The following ARRDC2 variants were observed in gnomAD, a reference collection of about 807,000 sequenced individuals.
ARRDC2 encodes the protein arrestin domain containing 2, also known as arrestin domain-containing protein 2.
Under a neutral mutation model 38.9 loss-of-function variants are expected in ARRDC2, and 39 were observed. The observed-to-expected ratio is 1.00, with a 90% CI of 0.78 to 1.31. The LOEUF is 1.31. Among genes scored for constraint, ARRDC2 ranks in the 50% most tolerant of loss-of-function variants. The pLI is 0.00. For missense variants in ARRDC2, 553 were observed against 588.4 expected, an observed-to-expected ratio of 0.94 and a Z score of 0.62; for synonymous variants, 300 against 261.9, an observed-to-expected ratio of 1.15 and a Z score of -1.41.
Position 18,008,444 on chromosome 19 carries a change from G to A in ARRDC2, c.134G>A (p.Gly45Asp), listed in dbSNP as rs749542607. Residue 45 changes from glycine (G) to aspartate (D), a missense_variant, in exon 1 of 8, where the codon GGT (glycine) becomes GAT (aspartate). Transcript: ENST00000222250. ...GAGCTGTCAAGCGCCGCGCGTGTGG[G>A]TGCCCTGAGGCTGCGCGCGCGGGGC... ...LLELSSAARVGALRLRARGRA... is the reference protein window; with the variant it reads ...LLELSSAARVDALRLRARGRA... 24 of 1,573,814 alleles carry A rather than the reference G, an allele frequency of 1.5e-5. No homozygotes were observed. Among genetic ancestry groups the A allele is most frequent in the Admixed American group, 3.6e-5 (2 of 55,676 alleles).
chr19:18,002,933 T>A (rs904913212), intron 1 of ARRDC2, among the ~76,000 whole-genome samples: 5 of 151,898 alleles, frequency 3.3e-5, no homozygotes, highest in African/African-American at 1.2e-4. Context: ...TGAAACTTTG[T>A]CTCCACTAAA....
At chr19:18,001,371 C>G (rs2145993170) in exon 1 of ARRDC2, 1 of 1,202,500 alleles carries the variant, frequency 8.3e-7, no homozygotes, top group Non-Finnish European at 1.0e-6. Context: ...GCCCGGGCGG[C>G]GCCTACCGCG....
rs140896221 is a variant in ARRDC2, at chr19:18,009,595, C to T, written c.493C>T (p.Pro165Ser). 9.6e-4 allele frequency: 1,540 copies of T among 1,600,102 alleles called. 4 individuals are homozygous for T. In the African/African-American group the frequency reaches 0.014, roughly 14 times the overall value. ...VDINTPALLA[P>S]QAGAREKVAR... ...TCACTTTCCTCTACACCGACAGGCA[C>T]CTCAAGCGGGGGCTCGGGAAAAGGT... is the stretch of plus-strand genomic sequence containing the variant. Residue 165 changes from proline to serine, a missense_variant, in exon 4 of 8, where the codon CCT becomes TCT. Pro to Ser is a moderately conservative substitution (Grantham distance 74). Transcript: ENST00000222250.
upstream of ARRDC2, chr19:18,008,035 T>G: frequency 3.3e-6 from 3 of 905,878 alleles, no homozygotes; most frequent in East Asian, 3.7e-5. Context: ...GCGTTTGTTA[T>G]TTTGCTCCAC....
chr19:18,002,399 G>A (rs1568464674), intron 1 of ARRDC2, among the ~76,000 whole-genome samples: 1 of 152,156 alleles, frequency 6.6e-6, no homozygotes, highest in African/African-American at 2.4e-5. Flanking sequence ...CCTAGGCCAC[G>A]CAGCTGGTCA....
At chr19:18,009,409 C>T (rs1258640460) in intron 3 of ARRDC2, 183 bp from the exon 4 acceptor site, 5 of 645,268 alleles carry the variant, frequency 7.7e-6, no homozygotes, top group Non-Finnish European at 1.1e-5. Flanking sequence ...TTATACATTT[C>T]ATTTCTGGCT....
At position 18,009,185 on chromosome 19, in the gene ARRDC2, C is replaced by T. The variant is rs368697056; in HGVS notation, c.489+67C>T. The T allele has an allele frequency of 3.2e-4, 505 of 1,556,336 alleles. 1 individual carries two copies. The highest frequency in any genetic ancestry group is 5.2e-4 in the Middle Eastern group (3 of 5,824). ...GGAAGGGGCCTGCCTGGCTGCTGGG[C>T]GACACCAACCAATAAGATGGAGGTC... is the stretch of plus-strand genomic sequence containing the variant. On this transcript the variant is annotated intron_variant, in intron 3 of 7. Transcript: ENST00000222250.
chr19:18,009,771 T>G lies in ARRDC2; in HGVS notation c.593-12T>G. 5.0e-6 allele frequency: 8 copies of G among 1,613,082 alleles called. No individual in the cohort carries two copies. The highest frequency in any genetic ancestry group is 5.9e-6 in the Non-Finnish European group (7 of 1,179,820). On this transcript the variant is annotated splice_polypyrimidine_tract_variant and intron_variant, in intron 4 of 7. Coordinates refer to ENST00000222250, the MANE Select transcript of ARRDC2 (RefSeq NM_015683.2). The stretch of plus-strand genomic sequence containing the variant: ...GGAGGGGAAACTGAGGCCCCACTGC[T>G]CCTTGCTGCAGGAGAGGTCATCCCT...
chr19:18,011,934 GTATA>G (rs780182812), intron 7 of ARRDC2, among the ~76,000 whole-genome samples: 3,429 of 68,334 alleles, frequency 0.05, 110 homozygotes, highest in Non-Finnish European at 0.059. Flanking sequence ...GTGTATATGT[GTATA>G]TATATATATA....
At chr19:18,011,265 G>A (rs2033406458) in intron 7 of ARRDC2, among the ~76,000 whole-genome samples, 1 of 152,064 alleles carries the variant, frequency 6.6e-6, no homozygotes, top group African/African-American at 2.4e-5. Context: ...CCAAAGTGCT[G>A]GGATTATATG....
Position 18,013,081 on chromosome 19 carries a change from C to G in ARRDC2, c.*115C>G. 8.6e-7 allele frequency: 1 copy of G among 1,162,144 alleles called. No homozygotes were observed. Among genetic ancestry groups the G allele is most frequent in the Non-Finnish European group, 1.2e-6 (1 of 809,324 alleles). The allele number at this position is 1,162,144 out of a possible 1,614,324, so 72.0% of individuals were successfully genotyped here. A position where few individuals can be genotyped will look rare whatever the true frequency, so the allele number is the denominator to read the frequency against. The stretch of plus-strand genomic sequence containing the variant: ...CCCGACTGCATCAAAGTTGGGGAAC[C>G]AAGTCTCAGAGTGAGGCGGGGGCCT... On this transcript the variant is annotated 3_prime_UTR_variant, in exon 8 of 8. Transcript: ENST00000222250.
chr19:18,010,075 A>G (rs946295230), intron 5 of ARRDC2, 36 bp downstream of exon 5: 7 of 1,604,546 alleles, frequency 4.4e-6, no homozygotes, highest in Non-Finnish European at 5.1e-6. Flanking sequence ...GACAGTGCCT[A>G]CATTCACCCT....
intron 6 of ARRDC2, 99 bp downstream of exon 6, chr19:18,010,457 C>A: frequency 6.4e-7 from 1 of 1,557,774 alleles, no homozygotes; most frequent in Non-Finnish European, 8.7e-7. Context: ...GAATCCCAAC[C>A]AAAGGACATA....
upstream of ARRDC2, among the ~76,000 whole-genome samples, chr19:18,006,597 A>G (rs551184881): frequency 3.3e-5 from 5 of 151,570 alleles, no homozygotes; most frequent in Non-Finnish European, 7.4e-5. Context: ...TCGGCATGAG[A>G]GGGAGACCGT....
chr19:18,012,037 A>G (rs1488367088), intron 7 of ARRDC2, among the ~76,000 whole-genome samples: 2 of 143,756 alleles, frequency 1.4e-5, no homozygotes, highest in Non-Finnish European at 3.0e-5. Context: ...GCTCACTGCA[A>G]TCTCCACCTC....
In ARRDC2 at chr19:18,009,838, G is replaced by A; in HGVS notation, c.648G>A (p.Leu216=). ...ACAACGGCTCCACACGTCCTGTGCT[G>A]CCTCGGGCAGCCGTGGTGCAGACAC... ...EIDNGSTRPV[L]PRAAVVQTQT... Residue 216 remains leucine (L), a synonymous_variant, in exon 5 of 8, where the codon CTG becomes CTA. Coordinates refer to ENST00000222250, the MANE Select transcript of ARRDC2 (RefSeq NM_015683.2). The A allele has an allele frequency of 6.2e-7, 1 of 1,612,306 alleles. No individual in the cohort carries two copies. The highest frequency in any genetic ancestry group is 8.5e-7 in the Non-Finnish European group (1 of 1,179,850).
intron 3 of ARRDC2, chr19:18,009,386 C>G (rs1568467479): frequency 1.6e-6 from 1 of 631,692 alleles, no homozygotes; most frequent in East Asian, 2.8e-5. Context: ...GAATTACACA[C>G]CAAACACTTG....
In ARRDC2 at chr19:18,012,952, T is replaced by A. The variant is rs1022726340; in HGVS notation, c.1210T>A (p.Cys404Ser). 7 of 1,613,826 alleles carry A rather than the reference T, an allele frequency of 4.3e-6. No individual in the cohort carries two copies. The African/African-American group carries it at 6.7e-5, about 15-fold the overall frequency. ...NPLLGDMRPR[C>S]MTC Reference sequence around the variant, plus strand: ...ACTCTTGGGGGACATGAGGCCGCGCTGCATGACTTGCTGAACGGCACAGGG... The same window carrying A: ...ACTCTTGGGGGACATGAGGCCGCGCAGCATGACTTGCTGAACGGCACAGGG... Residue 404 changes from cysteine to serine, a missense_variant, in exon 8 of 8, where the codon TGC becomes AGC. Physicochemically the swap from Cys to Ser is moderately radical, Grantham distance 112. Coordinates refer to ENST00000222250, the MANE Select transcript of ARRDC2 (RefSeq NM_015683.2).
At chr19:18,012,700 G>C (rs756455549) in intron 7 of ARRDC2, among the ~76,000 whole-genome samples, 1 of 152,020 alleles carries the variant, frequency 6.6e-6, no homozygotes, top group Non-Finnish European at 1.5e-5. Flanking sequence ...TGGTATCCAC[G>C]GGGTTCCTGG....
Sources: allele counts gnomAD v4.1 joint callset (sites outside exome capture counted in the v4.1 genomes callset), GRCh38; gene constraint gnomAD v4.1.1; transcripts MANE v1.5; gene names NCBI Gene and HGNC (gene_info 2026-07-23, HGNC 2026-07-21).